Variants in CDIN1 observed in about 807,000 individuals in gnomAD.
CDIN1 encodes the protein CDAN1 interacting nuclease 1, also known as CDAN1-interacting nuclease 1.
In CDIN1, 33 loss-of-function variants were observed where a neutral mutation model predicts 45.3. That is an observed-to-expected ratio of 0.73 (90% confidence interval 0.55 to 0.97). The LOEUF (loss-of-function observed/expected upper bound fraction) is 0.97. Among genes scored for constraint, CDIN1 ranks in the 50% least tolerant of loss-of-function variants. The pLI, the probability that CDIN1 is intolerant of heterozygous loss-of-function variation, is 0.00. For missense variants in CDIN1, 303 were observed against 339.4 expected, an observed-to-expected ratio of 0.89 and a Z score of 0.84; for synonymous variants, 118 against 124.4, an observed-to-expected ratio of 0.95 and a Z score of 0.34.
At position 36,719,795 on chromosome 15, in the gene CDIN1, T is replaced by C. The variant is rs560414497; in HGVS notation, c.716+9834T>C. On this transcript the variant is annotated intron_variant, in intron 10 of 10. Transcript: ENST00000566621. ...AAGATTTTTAACTATAAAATCGATTTCTTAGTAGTTATAAGACATTCAGGT... is the reference window on the plus strand; with the variant it reads ...AAGATTTTTAACTATAAAATCGATTCCTTAGTAGTTATAAGACATTCAGGT... 3.9e-5 allele frequency among the ~76,000 whole-genome samples: 6 copies of C among 152,296 alleles called. No individual in the cohort carries two copies. The South Asian group carries it at 1.0e-3, about 26-fold the overall frequency.
chr15:36,672,943 A>G (rs1431252852), intron 5 of CDIN1, among the ~76,000 whole-genome samples: 4 of 151,902 alleles, frequency 2.6e-5, no homozygotes, highest in Non-Finnish European at 4.4e-5. Context: ...TATACTAATT[A>G]CTCTCTTTCA....
intron 10 of CDIN1, among the ~76,000 whole-genome samples, chr15:36,764,846 A>C (rs574791851): frequency 5.3e-5 from 8 of 152,150 alleles, no homozygotes; most frequent in Non-Finnish European, 1.5e-5. Flanking sequence ...GAACAGACAC[A>C]TGCCCTTCTT....
At chr15:36,628,977 G>T (rs1043286335) in intron 1 of CDIN1, among the ~76,000 whole-genome samples, 19 of 152,162 alleles carry the variant, frequency 1.2e-4, no homozygotes, top group African/African-American at 4.3e-4. Context: ...GAGATTTGAA[G>T]ATGCTGATCT....
rs115545762 is a variant in CDIN1 at position 36,695,377 on chromosome 15, G to T, written c.477-1946G>T. ...ATTATTACCAAATGCAAATGCTTTT[G>T]AGTCAGTTGAAATACTAGACTAGGA... On this transcript the variant is annotated intron_variant, in intron 7 of 10. Coordinates refer to ENST00000566621, the MANE Select transcript of CDIN1 (RefSeq NM_001321759.2). Among the ~76,000 whole-genome samples the T allele has an allele frequency of 7.4e-3, 1,120 of 152,274 alleles. 10 individuals carry two copies. The highest frequency in any genetic ancestry group is 0.026 in the African/African-American group (1,065 of 41,562).
chr15:36,727,338 TAAA>T (rs200967467), intron 10 of CDIN1, among the ~76,000 whole-genome samples: 2 of 138,420 alleles, frequency 1.4e-5, no homozygotes, highest in Non-Finnish European at 3.1e-5. Context: ...TCTTTTTTCT[TAAA>T]AAAAAAAAAA....
At chr15:36,675,338 C>T (rs1012733446) in intron 5 of CDIN1, among the ~76,000 whole-genome samples, 5 of 152,112 alleles carry the variant, frequency 3.3e-5, no homozygotes, top group East Asian at 1.9e-4. Flanking sequence ...CTGTTGACCA[C>T]GGCCACTGTA....
intron 1 of CDIN1, chr15:36,618,212 A>C: frequency 5.9e-6 from 4 of 677,898 alleles, no homozygotes; most frequent in Non-Finnish European, 8.1e-6. Context: ...AAAAACCTGA[A>C]GCCTCATTTT....
At chr15:36,631,985 C>G (rs910530161) in intron 1 of CDIN1, among the ~76,000 whole-genome samples, 6 of 152,074 alleles carry the variant, frequency 3.9e-5, no homozygotes, top group Non-Finnish European at 7.3e-5. Flanking sequence ...CGTGCACCAC[C>G]ACGCCCAGCT....
At chr15:36,769,846 A>C (rs574350526) in intron 10 of CDIN1, among the ~76,000 whole-genome samples, 17 of 152,156 alleles carry the variant, frequency 1.1e-4, no homozygotes, top group African/African-American at 4.1e-4. Flanking sequence ...TGTTTGCTCT[A>C]AAGTCTAAGA....
intron 10 of CDIN1, among the ~76,000 whole-genome samples, chr15:36,710,890 A>G (rs1188052520): frequency 6.6e-6 from 1 of 152,194 alleles, no homozygotes; most frequent in Non-Finnish European, 1.5e-5. Context: ...ACAAAAGGCC[A>G]GTGGACCTCG....
At chr15:36,804,606 G>A (rs1263126805) in intron 10 of CDIN1, 1 of 148,406 alleles carries the variant, frequency 6.7e-6, no homozygotes, top group Non-Finnish European at 1.5e-5. Context: ...AGAAGGGCCA[G>A]CTTTAGTTCC....
chr15:36,689,559 G>A (rs181287098), intron 5 of CDIN1, among the ~76,000 whole-genome samples: 2 of 152,260 alleles, frequency 1.3e-5, no homozygotes, highest in East Asian at 1.9e-4. Flanking sequence ...GTGGTGACTC[G>A]AGTGGCAGGC....
chr15:36,706,756 T>C (rs1595499251), intron 8 of CDIN1: 1 of 152,184 alleles, frequency 6.6e-6, no homozygotes, highest in Admixed American at 6.6e-5. Flanking sequence ...GGATGAAAGA[T>C]AACAGTGAGA....
chr15:36,580,037 G>A, intron 1 of CDIN1, 76 bp downstream of exon 1: 2 of 1,304,526 alleles, frequency 1.5e-6, no homozygotes, highest in East Asian at 2.5e-5. Flanking sequence ...CAGCGCTTAG[G>A]AACCACGTGT....
At chr15:36,725,138 T>C (rs1419564540) in intron 10 of CDIN1, among the ~76,000 whole-genome samples, 1 of 152,180 alleles carries the variant, frequency 6.6e-6, no homozygotes, top group Non-Finnish European at 1.5e-5. Context: ...CTGACCTTCC[T>C]GCAACACCGA....
chr15:36,748,082 G>C (rs1053497563), intron 10 of CDIN1, among the ~76,000 whole-genome samples: 1 of 152,126 alleles, frequency 6.6e-6, no homozygotes, highest in East Asian at 1.9e-4. Flanking sequence ...TTCTCATTTG[G>C]TCTCTCATTT....
chr15:36,809,070 G>T lies in CDIN1; in HGVS notation c.*617G>T, dbSNP rs1319534238. 11 of 379,198 alleles carry T rather than the reference G, an allele frequency of 2.9e-5. No individual in the cohort carries two copies. Among genetic ancestry groups the T allele is most frequent in the Non-Finnish European group, 5.8e-5 (11 of 188,196 alleles). The allele number at this position is 379,198 out of a possible 1,614,324, so 23.5% of individuals were successfully genotyped here. A position where few individuals can be genotyped will look rare whatever the true frequency, so the allele number is the denominator to read the frequency against. ...CTATATTCAATCTTTACGGCTTCCT[G>T]ACTTCTGTGACAGTAAGCCAAGTGC... On this transcript the variant is annotated 3_prime_UTR_variant, in exon 11 of 11. Transcript: ENST00000566621.
chr15:36,618,690 T>C, intron 1 of CDIN1: 1 of 805,294 alleles, frequency 1.2e-6, no homozygotes, highest in Non-Finnish European at 2.3e-6. Flanking sequence ...AATGCACTTC[T>C]GCCCAGCAAC....
intron 10 of CDIN1, among the ~76,000 whole-genome samples, chr15:36,740,109 T>C (rs1052577953): frequency 6.6e-6 from 1 of 152,204 alleles, no homozygotes; most frequent in African/African-American, 2.4e-5. Flanking sequence ...CCTACTACAT[T>C]AGAATATTAA....
Sources: gnomAD v4.1 joint callset for allele counts (sites outside exome capture counted in the v4.1 genomes callset) on GRCh38, gnomAD v4.1.1 for gene constraint, MANE v1.5 for transcripts, NCBI Gene and HGNC (gene_info 2026-07-23, HGNC 2026-07-21) for gene names.